The following CSMD1 variants were observed in gnomAD, a reference collection of about 807,000 sequenced individuals.
CSMD1 encodes CUB and sushi domain-containing protein 1.
Under a neutral mutation model 417.5 loss-of-function variants are expected in CSMD1, and 213 were observed. That is an observed-to-expected ratio of 0.51 (90% CI 0.46 to 0.57). The LOEUF is 0.57. Among genes scored for constraint, CSMD1 ranks in the 20% least tolerant of loss-of-function variants. The probability of loss-of-function intolerance (pLI) is 0.00; values close to 1 mark genes in which losing one functional copy is unlikely to be tolerated. For synonymous variants in CSMD1, 2,862 were observed against 1,736.8 expected (o/e 1.65, Z -16.11); for missense variants, 6,923 against 4,529.7 (o/e 1.53, Z -15.17).
chr8:3,559,559 T>C (rs1263075145), intron 10 of CSMD1, among the ~76,000 whole-genome samples: 1 of 152,084 alleles, frequency 6.6e-6, no homozygotes. Context: ...AAGAATTGGG[T>C]TTTTGTGTTT....
intron 69 of CSMD1, among the ~76,000 whole-genome samples, chr8:2,939,813 G>T (rs1403474475): frequency 6.6e-6 from 1 of 152,220 alleles, no homozygotes; most frequent in Non-Finnish European, 1.5e-5. Flanking sequence ...CTTGGAACAT[G>T]CGCCAGCAGT....
intron 10 of CSMD1, among the ~76,000 whole-genome samples, chr8:3,543,242 G>C (rs928742000): frequency 1.3e-5 from 2 of 152,236 alleles, no homozygotes; most frequent in African/African-American, 4.8e-5. Flanking sequence ...CCCAGGATGT[G>C]ACGTAGAGCA....
intron 4 of CSMD1, among the ~76,000 whole-genome samples, chr8:4,010,411 A>G (rs1413805800): frequency 1.3e-5 from 2 of 152,110 alleles, no homozygotes; most frequent in Non-Finnish European, 2.9e-5. Flanking sequence ...CTCTGCACAA[A>G]TTCTCGGTCA....
chr8:3,353,193 G>C lies in CSMD1; in HGVS notation c.3305-5032C>G, dbSNP rs972727636. Among the ~76,000 whole-genome samples the C allele has an allele frequency of 3.9e-5, 6 of 152,230 alleles. 1 individual carries two copies. Among genetic ancestry groups the C allele is most frequent in the Admixed American group, 6.5e-5 (1 of 15,286 alleles). ...CTTGTGATTCCAAGAGGATAGGAAAGTGTTGCTGCTGAGGGAAGCAACTTT... is the reference window on the plus strand; with the variant it reads ...CTTGTGATTCCAAGAGGATAGGAAACTGTTGCTGCTGAGGGAAGCAACTTT... On this transcript the variant is annotated intron_variant, in intron 21 of 69. Transcript: ENST00000635120.
At chr8:3,147,960 C>T (rs1393120023) in intron 40 of CSMD1, among the ~76,000 whole-genome samples, 1 of 152,136 alleles carries the variant, frequency 6.6e-6, no homozygotes, top group Non-Finnish European at 1.5e-5. Context: ...TATTCTTTTG[C>T]AACCTGATCA....
chr8:4,226,633 T>C (rs1801374211), intron 3 of CSMD1, among the ~76,000 whole-genome samples: 1 of 152,180 alleles, frequency 6.6e-6, no homozygotes, highest in Non-Finnish European at 1.5e-5. Context: ...AATTACTTCA[T>C]TAAACAAAAT....
At chr8:3,539,260 G>C (rs1798338934) in intron 10 of CSMD1, among the ~76,000 whole-genome samples, 1 of 152,032 alleles carries the variant, frequency 6.6e-6, no homozygotes, top group Non-Finnish European at 1.5e-5. Context: ...CTCTCTCCTG[G>C]GCGGATTTAG....
chr8:3,203,034 T>C (rs888587075), intron 31 of CSMD1, among the ~76,000 whole-genome samples: 6 of 152,150 alleles, frequency 3.9e-5, no homozygotes, highest in Non-Finnish European at 8.8e-5. Context: ...TTTATCATAC[T>C]GGAGGCCCAA....
At chr8:4,838,230 G>C (rs879098481) in intron 1 of CSMD1, among the ~76,000 whole-genome samples, 2 of 152,182 alleles carry the variant, frequency 1.3e-5, no homozygotes, top group Admixed American at 6.5e-5. Context: ...TTAGGGTTTC[G>C]TTCTGGGTTT....
chr8:4,656,692 C>T (rs945077765), intron 1 of CSMD1, among the ~76,000 whole-genome samples: 12 of 152,264 alleles, frequency 7.9e-5, no homozygotes, highest in African/African-American at 2.9e-4. Flanking sequence ...TGCCCAGTTA[C>T]CTGCCAGAGC....
intron 5 of CSMD1, among the ~76,000 whole-genome samples, chr8:3,908,118 C>G (rs561538640): frequency 6.6e-6 from 1 of 152,208 alleles, no homozygotes; most frequent in Admixed American, 6.5e-5. Flanking sequence ...TATGGAGCCC[C>G]TCTGAGAATA....
chr8:3,574,813 T>G (rs1056716606), intron 10 of CSMD1, 132 bp downstream of exon 10: 4 of 1,016,560 alleles, frequency 3.9e-6, no homozygotes, highest in Non-Finnish European at 5.7e-6. Flanking sequence ...AGACACAGGA[T>G]GCAGCTGGAA....
At chr8:3,047,940 C>G (rs541816036) in intron 50 of CSMD1, among the ~76,000 whole-genome samples, 1 of 152,172 alleles carries the variant, frequency 6.6e-6, no homozygotes, top group Admixed American at 6.5e-5. Flanking sequence ...GATGTATTCA[C>G]AAACACCTCA....
At position 2,973,432 on chromosome 8, in the gene CSMD1, C is replaced by A. The variant is rs147251390; in HGVS notation, c.8741-133G>T. 4.9e-3 allele frequency: 4,217 copies of A among 853,606 alleles called. 16 individuals are homozygous for A. The highest frequency in any genetic ancestry group is 6.3e-3 in the Non-Finnish European group (3,490 of 553,720). The allele number at this position is 853,606 out of a possible 1,614,324, so 52.9% of individuals were successfully genotyped here. Reference sequence around the variant, plus strand: ...TGAGTTATGGTTACACAACATTCTGCAATCTTGTAAGAAAGAATTTCTTTG... The same window carrying A: ...TGAGTTATGGTTACACAACATTCTGAAATCTTGTAAGAAAGAATTTCTTTG... On this transcript the variant is annotated intron_variant, in intron 56 of 69. Coordinates refer to ENST00000635120, the MANE Select transcript of CSMD1 (RefSeq NM_033225.6).
intron 37 of CSMD1, among the ~76,000 whole-genome samples, chr8:3,168,609 G>C (rs1820380042): frequency 6.7e-6 from 1 of 148,778 alleles, no homozygotes; most frequent in Non-Finnish European, 1.5e-5. Flanking sequence ...GTCACAGTGT[G>C]TAAGGAGTCA....
At chr8:3,269,241 A>G (rs1801659927) in intron 26 of CSMD1, among the ~76,000 whole-genome samples, 1 of 152,338 alleles carries the variant, frequency 6.6e-6, no homozygotes, top group African/African-American at 2.4e-5. Flanking sequence ...TTCACAATCT[A>G]TGATCCTAAG....
intron 4 of CSMD1, among the ~76,000 whole-genome samples, chr8:4,026,300 C>T (rs9644360): frequency 6.6e-6 from 1 of 152,106 alleles, no homozygotes; most frequent in Non-Finnish European, 1.5e-5. Context: ...ACACCAGACA[C>T]TGAGAAAAGC....
At chr8:3,865,333 C>G (rs1467157025) in intron 5 of CSMD1, among the ~76,000 whole-genome samples, 3 of 152,154 alleles carry the variant, frequency 2.0e-5, no homozygotes, top group African/African-American at 2.4e-5. Context: ...AATCTGTAAA[C>G]TCTGAAATGC....
In CSMD1 at chr8:3,676,976, G is replaced by T. The variant is rs186312773; in HGVS notation, c.1009+31438C>A. ...AATGACAACACAAGGACACAGGGAG[G>T]GGAACATCATGGACCGGGGCCTGTT... On this transcript the variant is annotated intron_variant, in intron 7 of 69. Coordinates refer to ENST00000635120, the MANE Select transcript of CSMD1 (RefSeq NM_033225.6). Among the ~76,000 whole-genome samples the T allele has an allele frequency of 4.2e-3, 634 of 152,178 alleles. 7 individuals are homozygous for T. The highest frequency in any genetic ancestry group is 0.014 in the Middle Eastern group (4 of 294).
Sources: gnomAD v4.1 joint callset for allele counts (sites outside exome capture counted in the v4.1 genomes callset) on GRCh38, gnomAD v4.1.1 for gene constraint, MANE v1.5 for transcripts, NCBI Gene and HGNC (gene_info 2026-07-23, HGNC 2026-07-21) for gene names.